Variants in LNX1 observed in about 807,000 individuals in gnomAD.
The protein encoded by LNX1 is E3 ubiquitin-protein ligase LNX.
In LNX1, 54 loss-of-function variants were observed where a neutral mutation model predicts 68.4. The ratio of observed to expected loss-of-function variants is 0.79; its 90% CI spans 0.63 to 0.99. The LOEUF (loss-of-function observed/expected upper bound fraction) is 0.99, where lower values mean the gene tolerates loss of function less well. Ranked by LOEUF, LNX1 falls within the 50% of genes least tolerant of loss-of-function variation. The pLI is 0.00. For missense variants in LNX1, 906 were observed against 926.4 expected, an observed-to-expected ratio of 0.98 and a Z score of 0.29; for synonymous variants, 336 against 350.0, an observed-to-expected ratio of 0.96 and a Z score of 0.45.
intron 1 of LNX1, among the ~76,000 whole-genome samples, chr4:53,584,990 T>A (rs1197058207): frequency 6.6e-6 from 1 of 152,184 alleles, no homozygotes; most frequent in East Asian, 1.9e-4. Flanking sequence ...TTGTCTTTGG[T>A]TCTTCCAATT....
At chr4:53,511,206 T>C (rs1330500668) in intron 2 of LNX1, among the ~76,000 whole-genome samples, 1 of 152,228 alleles carries the variant, frequency 6.6e-6, no homozygotes. Flanking sequence ...TTCTCCAGTC[T>C]CTTGGCTTAG....
chr4:53,598,774 A>T lies in LNX1; in HGVS notation c.-214-7259T>A, dbSNP rs1264767003. On this transcript the variant is annotated intron_variant, in intron 2 of 3. Transcript: ENST00000504299. ...CGTTTTCTTGAGAGTCAAAGCCTGA[A>T]CACTTTGGGAAGGGAGCTAACTTTA... 2.6e-5 allele frequency among the ~76,000 whole-genome samples: 4 copies of T among 152,238 alleles called. No individual in the cohort carries two copies. In the East Asian group the frequency reaches 7.7e-4, roughly 29 times the overall value.
At chr4:53,517,990 T>C (rs1420582710) in intron 2 of LNX1, among the ~76,000 whole-genome samples, 1 of 152,206 alleles carries the variant, frequency 6.6e-6, no homozygotes, top group African/African-American at 2.4e-5. Context: ...CATTAGCCCC[T>C]TTCTTCTGCC....
At chr4:53,476,606 G>A in intron 9 of LNX1, 147 bp downstream of exon 9, 1 of 731,908 alleles carries the variant, frequency 1.4e-6, no homozygotes, top group Non-Finnish European at 2.4e-6. Flanking sequence ...CAAATGGGAA[G>A]AGAGAATTAT....
intron 2 of LNX1, among the ~76,000 whole-genome samples, chr4:53,572,263 A>T (rs546399121): frequency 6.6e-6 from 1 of 151,280 alleles, no homozygotes; most frequent in African/African-American, 2.4e-5. Flanking sequence ...TACCCTACCC[A>T]CTCCTCCTTT....
intron 6 of LNX1, among the ~76,000 whole-genome samples, chr4:53,484,946 C>T (rs1225118650): frequency 6.6e-6 from 1 of 152,202 alleles, no homozygotes; most frequent in East Asian, 1.9e-4. Context: ...TGTGCCCTTC[C>T]TTTGTTTACC....
At chr4:53,627,701 T>A (rs1315291212) in intron 1 of LNX1, among the ~76,000 whole-genome samples, 1 of 152,372 alleles carries the variant, frequency 6.6e-6, no homozygotes, top group African/African-American at 2.4e-5. Flanking sequence ...TCAGCACACC[T>A]CTGAGGATGG....
rs1223812705 is a variant in LNX1, at chr4:53,460,416, A to T, written c.*491T>A. 1 of 190,010 alleles carries T rather than the reference A, an allele frequency of 5.3e-6. No individual in the cohort carries two copies. The highest frequency in any genetic ancestry group is 2.3e-5 in the African/African-American group (1 of 42,892). 11.8% of individuals were successfully genotyped at this position (190,010 alleles called of 1,614,324 possible). A position where few individuals can be genotyped will look rare whatever the true frequency, so the allele number is the denominator to read the frequency against. On this transcript the variant is annotated 3_prime_UTR_variant, in exon 11 of 11. Coordinates refer to ENST00000263925, the MANE Select transcript of LNX1 (RefSeq NM_001126328.3). ...GGATCTTTTAAATAGTGATAATACA[A>T]AAGTAATCTTAATTAGTATCACATA... is the stretch of plus-strand genomic sequence containing the variant.
chr4:53,544,647 C>G (rs551778115), intron 2 of LNX1, among the ~76,000 whole-genome samples: 3 of 152,156 alleles, frequency 2.0e-5, no homozygotes. Flanking sequence ...CAGTACCATG[C>G]GAGAATCTTT....
chr4:53,467,949 T>C (rs1418919974), intron 9 of LNX1, among the ~76,000 whole-genome samples: 1 of 152,160 alleles, frequency 6.6e-6, no homozygotes, highest in African/African-American at 2.4e-5. Flanking sequence ...TTCCCCAATC[T>C]AGCAAGGCAG....
At chr4:53,484,306 T>C (rs1724142865) in intron 6 of LNX1, among the ~76,000 whole-genome samples, 1 of 152,146 alleles carries the variant, frequency 6.6e-6, no homozygotes, top group Non-Finnish European at 1.5e-5. Flanking sequence ...TTTAAAAATC[T>C]CAAGTAAACA....
At chr4:53,576,661 C>T (rs1731506298) in intron 1 of LNX1, among the ~76,000 whole-genome samples, 2 of 151,958 alleles carry the variant, frequency 1.3e-5, no homozygotes, top group Admixed American at 1.3e-4. Flanking sequence ...AAGAATCCTG[C>T]CTCTTCCCTC....
intron 1 of LNX1, among the ~76,000 whole-genome samples, chr4:53,589,756 C>T (rs1198810624): frequency 6.6e-6 from 1 of 152,218 alleles, no homozygotes; most frequent in Admixed American, 6.5e-5. Flanking sequence ...GAACTCTGGA[C>T]AGGACTTGTG....
intron 1 of LNX1, 82 bp from the exon 2 acceptor site, chr4:53,574,170 C>T (rs1731345320): frequency 9.6e-7 from 1 of 1,043,312 alleles, no homozygotes; most frequent in African/African-American, 1.6e-5. Flanking sequence ...ACAGGGCTGC[C>T]AATGCATGGG....
chr4:53,488,360 C>T (rs1487010988), intron 6 of LNX1, among the ~76,000 whole-genome samples: 2 of 152,202 alleles, frequency 1.3e-5, no homozygotes, highest in Non-Finnish European at 2.9e-5. Context: ...GGATCACTCT[C>T]ATTGCTCTCT....
At chr4:53,573,538 G>A in intron 2 of LNX1, 85 bp downstream of exon 2, 2 of 824,766 alleles carry the variant, frequency 2.4e-6, no homozygotes, top group South Asian at 1.7e-5. Context: ...TCATTGGTTG[G>A]AAGCCCTCAG....
At chr4:53,647,533 C>T (rs1734931385) in intron 1 of LNX1, among the ~76,000 whole-genome samples, 1 of 152,102 alleles carries the variant, frequency 6.6e-6, no homozygotes, top group Non-Finnish European at 1.5e-5. Flanking sequence ...AAGAAGTCTG[C>T]TATTTTCCCA....
chr4:53,533,792 A>C (rs1189225584), intron 2 of LNX1, among the ~76,000 whole-genome samples: 2 of 152,372 alleles, frequency 1.3e-5, no homozygotes, highest in South Asian at 4.1e-4. Flanking sequence ...TACAATGCCC[A>C]GGACAGCCCC....
intron 9 of LNX1, among the ~76,000 whole-genome samples, chr4:53,467,965 C>G (rs1433085984): frequency 6.6e-6 from 1 of 152,178 alleles, no homozygotes; most frequent in Non-Finnish European, 1.5e-5. Flanking sequence ...GGCAGGCCAA[C>G]ATTCAAATTC....
Sources: gnomAD v4.1 joint callset for allele counts (sites outside exome capture counted in the v4.1 genomes callset) on GRCh38, gnomAD v4.1.1 for gene constraint, MANE v1.5 for transcripts, NCBI Gene and HGNC (gene_info 2026-07-23, HGNC 2026-07-21) for gene names.